The following AAK1 variants were observed in gnomAD, a reference collection of about 807,000 sequenced individuals.
The protein encoded by AAK1 is AP2-associated protein kinase 1.
Under a neutral mutation model 116.0 loss-of-function variants are expected in AAK1, and 37 were observed. The observed-to-expected ratio is 0.32, with a 90% confidence interval of 0.25 to 0.42. The LOEUF (loss-of-function observed/expected upper bound fraction) is 0.42, where lower values mean the gene tolerates loss of function less well. AAK1 is among the 10% of genes least tolerant of loss of function. The pLI is 1.00. For synonymous variants in AAK1, 458 were observed against 439.9 expected (o/e 1.04, Z -0.51); for missense variants, 919 against 1,170.6 (o/e 0.79, Z 3.14).
intron 2 of AAK1, among the ~76,000 whole-genome samples, chr2:69,613,411 C>T (rs188670450): frequency 1.5e-4 from 23 of 152,270 alleles, no homozygotes; most frequent in Admixed American, 1.4e-3. Context: ...TTGAAATCTC[C>T]AGAATGCAGA....
chr2:69,605,463 C>T (rs1673760108), intron 2 of AAK1, among the ~76,000 whole-genome samples: 2 of 152,154 alleles, frequency 1.3e-5, no homozygotes, highest in Non-Finnish European at 2.9e-5. Context: ...AGTATAGATT[C>T]ACAGGAAGTT....
intron 11 of AAK1, 55 bp from the exon 12 acceptor site, chr2:69,519,295 GCTTT>G (rs1235716988): frequency 4.1e-6 from 6 of 1,470,566 alleles, no homozygotes; most frequent in Middle Eastern, 1.8e-4. Context: ...CACAAAAATG[GCTTT>G]CTGTCTTGCC....
chr2:69,472,442 G>A lies in AAK1; in HGVS notation c.*3427C>T, dbSNP rs1572872593. 3.2e-6 allele frequency: 1 copy of A among 314,202 alleles called. No individual in the cohort carries two copies. The highest frequency in any genetic ancestry group is 2.3e-5 in the African/African-American group (1 of 44,268). 19.5% of individuals were successfully genotyped at this position (314,202 alleles called of 1,614,324 possible). ...GAGGAGTTTCAAAAATAACTTTAAG[G>A]ATGGCAGCATCATTAGAATAAGTAT... On this transcript the variant is annotated 3_prime_UTR_variant, in exon 22 of 22. Transcript: ENST00000409085.
intron 2 of AAK1, among the ~76,000 whole-genome samples, chr2:69,635,239 A>C (rs565136384): frequency 6.6e-6 from 1 of 152,240 alleles, no homozygotes; most frequent in African/African-American, 2.4e-5. Flanking sequence ...AATCAAAAGT[A>C]TAAGAAGATA....
intron 21 of AAK1, 126 bp from the exon 22 acceptor site, chr2:69,476,089 A>G (rs1674847289): frequency 6.9e-7 from 1 of 1,452,020 alleles, no homozygotes; most frequent in East Asian, 2.5e-5. Flanking sequence ...AAAAAAACCA[A>G]ACCCTAGAGA....
chr2:69,472,444 T>A lies in AAK1; in HGVS notation c.*3425A>T. 3.2e-6 allele frequency: 1 copy of A among 316,504 alleles called. No individual in the cohort carries two copies. The highest frequency in any genetic ancestry group is 4.6e-6 in the Non-Finnish European group (1 of 218,618). The allele number at this position is 316,504 out of a possible 1,614,324, so 19.6% of individuals were successfully genotyped here. On this transcript the variant is annotated 3_prime_UTR_variant, in exon 22 of 22. Coordinates refer to ENST00000409085, the MANE Select transcript of AAK1 (RefSeq NM_014911.5). ...GGAGTTTCAAAAATAACTTTAAGGA[T>A]GGCAGCATCATTAGAATAAGTATTA...
intron 8 of AAK1, among the ~76,000 whole-genome samples, chr2:69,529,401 T>C (rs79151111): frequency 1.7e-5 from 2 of 115,270 alleles, no homozygotes; most frequent in East Asian, 4.5e-4. Context: ...AATATTATTC[T>C]TTTTTTTTTC....
intron 2 of AAK1, among the ~76,000 whole-genome samples, chr2:69,571,457 T>C (rs892507597): frequency 3.3e-5 from 5 of 152,224 alleles, no homozygotes; most frequent in Admixed American, 1.3e-4. Flanking sequence ...TCTGGGAGGT[T>C]CCCTTGTACT....
In AAK1 at chr2:69,473,983, T is replaced by C. The variant is rs1674763584; in HGVS notation, c.*1886A>G. The C allele has an allele frequency of 2.0e-6, 2 of 985,722 alleles. No homozygotes were observed. Among genetic ancestry groups the C allele is most frequent in the African/African-American group, 3.5e-5 (2 of 57,204 alleles). 61.1% of individuals were successfully genotyped at this position (985,722 alleles called of 1,614,324 possible). On this transcript the variant is annotated 3_prime_UTR_variant, in exon 22 of 22. Transcript: ENST00000409085. ...CAGGAAGCTTGTGCCTCTCTCAGTT[T>C]TGGAAATGGTCTGTTATTCAACTAG... is the stretch of plus-strand genomic sequence containing the variant.
rs928949814 is a variant in AAK1, at chr2:69,482,727, A to G, written c.2451T>C (p.Thr817=). The G allele has an allele frequency of 1.2e-6, 2 of 1,610,690 alleles. No homozygotes were observed. The highest frequency in any genetic ancestry group is 2.7e-5 in the African/African-American group (2 of 74,838). Residue 817 remains threonine (T), a synonymous_variant, in exon 18 of 22, where the codon ACT becomes ACC. Coordinates refer to ENST00000409085, the MANE Select transcript of AAK1 (RefSeq NM_014911.5). ...LLPMTDPFGS[T]SDAVIEKADV... ...TGACTTTACCAATTACAGCATCAGAAGTGCTACCAAAAGGATCTGTCATAG... is the reference window on the plus strand; with the variant it reads ...TGACTTTACCAATTACAGCATCAGAGGTGCTACCAAAAGGATCTGTCATAG...
In AAK1 at chr2:69,466,266, G is replaced by A; in HGVS notation, c.*9603C>T. 5 of 1,289,752 alleles carry A rather than the reference G, an allele frequency of 3.9e-6. No homozygotes were observed. Among genetic ancestry groups the A allele is most frequent in the South Asian group, 1.2e-5 (1 of 81,024 alleles). 79.9% of individuals were successfully genotyped at this position (1,289,752 alleles called of 1,614,324 possible). A position where few individuals can be genotyped will look rare whatever the true frequency, so the allele number is the denominator to read the frequency against. Reference sequence around the variant, plus strand: ...GGCTCCTCCCAGCTTCCCCGGGGGGGGTCTGCAGCTCTCATCTTCTTCTTC... The same window carrying A: ...GGCTCCTCCCAGCTTCCCCGGGGGGAGTCTGCAGCTCTCATCTTCTTCTTC... On this transcript the variant is annotated 3_prime_UTR_variant, in exon 22 of 22. Transcript: ENST00000409085.
chr2:69,479,374 TC>T (rs1163216365), intron 19 of AAK1, among the ~76,000 whole-genome samples: 16 of 152,208 alleles, frequency 1.1e-4, no homozygotes, highest in Non-Finnish European at 8.8e-5. Context: ...CTTTCTAGAT[TC>T]CTCTTAACAT....
At chr2:69,559,568 T>C (rs960212013) in intron 2 of AAK1, among the ~76,000 whole-genome samples, 4 of 152,346 alleles carry the variant, frequency 2.6e-5, no homozygotes, top group Non-Finnish European at 4.4e-5. Context: ...ATTTAGAATT[T>C]TTTAAAAAAT....
chr2:69,496,067 C>A lies in AAK1; in HGVS notation c.2283G>T (p.Lys761Asn), dbSNP rs1342689355. The change falls in exon 17 of 22, where the codon AAG (lysine) becomes AAT (asparagine). Residue 761 changes from lysine to asparagine, a missense_variant. Around this residue, in one of 4 missense-constraint regions of AAK1, gnomAD observed 263 missense variants for 285.5 expected, o/e 0.92. Coordinates refer to ENST00000409085, the MANE Select transcript of AAK1 (RefSeq NM_014911.5). Reference protein sequence around the residue: ...SFSAGTAEKRKGGQTVDSGLP... With the variant: ...SFSAGTAEKRNGGQTVDSGLP... ...GGCCAGAGTCCACAGTCTGCCCACC[C>A]TTCCTTTTTTCAGCTGGAGTTAGGT... The A allele has an allele frequency of 6.4e-7, 1 of 1,554,248 alleles. No individual in the cohort carries two copies. Among genetic ancestry groups the A allele is most frequent in the Non-Finnish European group, 8.7e-7 (1 of 1,148,480 alleles).
intron 2 of AAK1, among the ~76,000 whole-genome samples, chr2:69,560,683 A>G (rs926968329): frequency 1.3e-5 from 2 of 152,144 alleles, no homozygotes; most frequent in African/African-American, 4.8e-5. Flanking sequence ...GTTTTCTCCC[A>G]TTTTCCCTAA....
At chr2:69,485,114 A>G (rs1336885362) in intron 17 of AAK1, among the ~76,000 whole-genome samples, 1 of 152,160 alleles carries the variant, frequency 6.6e-6, no homozygotes. Context: ...TGCTCCAAAC[A>G]CTAGTTTTTG....
At chr2:69,599,106 T>C (rs2105189761) in intron 2 of AAK1, among the ~76,000 whole-genome samples, 1 of 152,288 alleles carries the variant, frequency 6.6e-6, no homozygotes, top group South Asian at 2.1e-4. Context: ...GGTTAAGGTG[T>C]GATTTATTTT....
At chr2:69,641,961 A>G (rs1442980441) in intron 2 of AAK1, among the ~76,000 whole-genome samples, 9 of 152,176 alleles carry the variant, frequency 5.9e-5, no homozygotes, top group Non-Finnish European at 1.0e-4. Context: ...TAAAAATAAA[A>G]GCACACTAGG....
intron 12 of AAK1, among the ~76,000 whole-genome samples, chr2:69,518,710 C>T (rs991463860): frequency 2.6e-5 from 4 of 151,958 alleles, no homozygotes; most frequent in Non-Finnish European, 5.9e-5. Flanking sequence ...AGCCACTGCA[C>T]CCGGCCAAAA....
Sources: allele counts gnomAD v4.1 joint callset (sites outside exome capture counted in the v4.1 genomes callset), GRCh38; gene constraint gnomAD v4.1.1; regional missense constraint gnomAD v4.1.1; transcripts MANE v1.5; gene names NCBI Gene and HGNC (gene_info 2026-07-23, HGNC 2026-07-21).